The following NHS variants were observed in gnomAD, a reference collection of about 807,000 sequenced individuals.
NHS encodes the protein actin remodeling regulator NHS.
A neutral mutation model predicts 72.5 loss-of-function variants in NHS; 5 were observed. The observed-to-expected ratio is 0.07, with a 90% confidence interval of 0.04 to 0.14. NHS has a LOEUF of 0.14. Ranked by LOEUF, NHS falls within the 10% of genes least tolerant of loss-of-function variation. NHS has a pLI of 1.00. For synonymous variants in NHS, 464 were observed against 547.7 expected, an observed-to-expected ratio of 0.85 and a Z score of 2.13; for missense variants, 1,072 against 1,355.7, an observed-to-expected ratio of 0.79 and a Z score of 3.29.
chrX:17,420,387 C>T (rs2064617500), intron 1 of NHS, among the ~76,000 whole-genome samples: 1 of 111,625 alleles, frequency 9.0e-6, no homozygotes, highest in African/African-American at 3.3e-5. Flanking sequence ...TTCACACACT[C>T]ATCCACCCAT....
intron 1 of NHS, among the ~76,000 whole-genome samples, chrX:17,398,537 A>T (rs1569245759): frequency 8.9e-6 from 1 of 112,456 alleles, no homozygotes; most frequent in Non-Finnish European, 1.9e-5. Flanking sequence ...ACCACTGTTT[A>T]CTTAGCCCAT....
intron 1 of NHS, among the ~76,000 whole-genome samples, chrX:17,565,868 A>C (rs775952925): frequency 8.9e-6 from 1 of 112,163 alleles, no homozygotes; most frequent in African/African-American, 3.2e-5. Context: ...TATCTTAGGC[A>C]TGGTTATGTG....
In NHS at chrX:17,646,730, A is replaced by G. The variant is rs2065907383; in HGVS notation, c.566-41012A>G. ...TACTGGTATAGACAGGTTTGTTTTA[A>G]TTTATAAGGTTGCTCAGCAAAACAT... is the stretch of plus-strand genomic sequence containing the variant. On this transcript the variant is annotated intron_variant, in intron 1 of 8. Coordinates refer to ENST00000676302, the MANE Select transcript of NHS (RefSeq NM_001291867.2). 3.6e-5 allele frequency among the ~76,000 whole-genome samples: 4 copies of G among 112,078 alleles called. No homozygotes were observed. In the Admixed American group the frequency reaches 3.8e-4, roughly 11 times the overall value.
intron 1 of NHS, among the ~76,000 whole-genome samples, chrX:17,483,284 C>T (rs372615410): frequency 4.5e-5 from 5 of 111,950 alleles, no homozygotes; most frequent in Admixed American, 1.9e-4. Flanking sequence ...TAGATATATG[C>T]TCCTTTATTA....
At chrX:17,411,115 G>A (rs2064555819) in intron 1 of NHS, among the ~76,000 whole-genome samples, 1 of 112,114 alleles carries the variant, frequency 8.9e-6, no homozygotes, top group East Asian at 2.8e-4. Context: ...TGTTTTCAAC[G>A]TGGTTTCAAG....
At chrX:17,643,202 T>C (rs756480317) in intron 1 of NHS, among the ~76,000 whole-genome samples, 2 of 112,505 alleles carry the variant, frequency 1.8e-5, no homozygotes, top group East Asian at 5.6e-4. Flanking sequence ...TGCCCAAGAT[T>C]ACAGCTTAGT....
chrX:17,698,054 T>C (rs1453782667), intron 3 of NHS, among the ~76,000 whole-genome samples: 2 of 111,818 alleles, frequency 1.8e-5, no homozygotes, highest in East Asian at 5.6e-4. Flanking sequence ...TTATAACATT[T>C]ATCAGAGTTT....
At chrX:17,601,021 A>G (rs1236693605) in intron 1 of NHS, among the ~76,000 whole-genome samples, 1 of 112,187 alleles carries the variant, frequency 8.9e-6, no homozygotes, top group Non-Finnish European at 1.9e-5. Context: ...ACGGAGAAAC[A>G]TAAAGAACTT....
chrX:17,506,527 TAATAAATAAATA>T (rs61214947), intron 1 of NHS, among the ~76,000 whole-genome samples: 35 of 98,193 alleles, frequency 3.6e-4, no homozygotes, highest in Admixed American at 1.5e-3. Context: ...TGAGACTCTG[TAATAAATAAATA>T]AATAAATAAA....
chrX:17,729,528 C>G (rs1332739967), intron 8 of NHS, among the ~76,000 whole-genome samples: 1 of 112,128 alleles, frequency 8.9e-6, no homozygotes, highest in African/African-American at 3.2e-5. Flanking sequence ...CCTTCATCCC[C>G]AAAATTAATG....
intron 7 of NHS, 53 bp from the exon 8 acceptor site, chrX:17,728,596 C>T (rs1217727723): frequency 8.4e-7 from 1 of 1,188,876 alleles, no homozygotes; most frequent in African/African-American, 1.8e-5. Flanking sequence ...CAGTGAAGTA[C>T]AGTAGCGTGC....
At chrX:17,449,596 A>T (rs1391364568) in intron 1 of NHS, among the ~76,000 whole-genome samples, 1 of 112,085 alleles carries the variant, frequency 8.9e-6, no homozygotes, top group Non-Finnish European at 1.9e-5. Context: ...TGATATCTCA[A>T]TTAAAAAGTA....
At chrX:17,650,035 T>C (rs1234332357) in intron 1 of NHS, among the ~76,000 whole-genome samples, 1 of 111,845 alleles carries the variant, frequency 8.9e-6, no homozygotes, top group African/African-American at 3.3e-5. Flanking sequence ...GTTTTCATAA[T>C]TGGGTCTCAG....
chrX:17,544,331 C>T (rs1196348722), intron 1 of NHS, among the ~76,000 whole-genome samples: 2 of 111,478 alleles, frequency 1.8e-5, no homozygotes, highest in Non-Finnish European at 3.8e-5. Context: ...TGTGTATAAT[C>T]CCCACCATGT....
At chrX:17,450,547 C>G (rs1401135408) in intron 1 of NHS, among the ~76,000 whole-genome samples, 1 of 111,915 alleles carries the variant, frequency 8.9e-6, no homozygotes, top group African/African-American at 3.3e-5. Context: ...CAGTCTCGTT[C>G]CAGAGTCTGA....
At chrX:17,696,039 C>T in intron 3 of NHS, among the ~76,000 whole-genome samples, 1 of 110,699 alleles carries the variant, frequency 9.0e-6, no homozygotes, top group Non-Finnish European at 1.9e-5. Flanking sequence ...TACTGTGGAC[C>T]TGAGCTACAG....
intron 3 of NHS, among the ~76,000 whole-genome samples, chrX:17,696,753 C>G (rs1216597807): frequency 2.7e-5 from 3 of 111,304 alleles, no homozygotes; most frequent in Non-Finnish European, 3.8e-5. Flanking sequence ...CCCTAGGTCC[C>G]CATCTCCCAT....
intron 1 of NHS, among the ~76,000 whole-genome samples, chrX:17,422,243 AT>A (rs1268787887): frequency 1.8e-5 from 2 of 112,124 alleles, no homozygotes; most frequent in African/African-American, 6.5e-5. Flanking sequence ...TCTAAAGTAA[AT>A]AAACCTTATG....
In NHS at chrX:17,456,422, A is replaced by G. The variant is rs139195554; in HGVS notation, c.565+80100A>G. Among the ~76,000 whole-genome samples the G allele has an allele frequency of 6.2e-3, 692 of 111,992 alleles. 5 individuals carry two copies. The highest frequency in any genetic ancestry group is 0.017 in the South Asian group (46 of 2,669). On this transcript the variant is annotated intron_variant, in intron 1 of 8. Coordinates refer to ENST00000676302, the MANE Select transcript of NHS (RefSeq NM_001291867.2). ...AAACAGGACAAGGGAGAGAGGAAAG[A>G]GAGTTGAGCTGCTATTTTTTAATCC...
Sources: allele counts gnomAD v4.1 joint callset (sites outside exome capture counted in the v4.1 genomes callset), GRCh38; gene constraint gnomAD v4.1.1; transcripts MANE v1.5; gene names NCBI Gene and HGNC (gene_info 2026-07-23, HGNC 2026-07-21).